KATNA1: variants seen among roughly 807,000 people sequenced by gnomAD.
The protein encoded by KATNA1 is katanin catalytic subunit A1.
Under a neutral mutation model 62.6 loss-of-function variants are expected in KATNA1, and 42 were observed. The observed-to-expected ratio is 0.67, with a 90% CI of 0.52 to 0.87. The LOEUF (loss-of-function observed/expected upper bound fraction) is 0.87. Among genes scored for constraint, KATNA1 ranks in the 40% least tolerant of loss-of-function variants. KATNA1 has a pLI of 0.00. For synonymous variants in KATNA1, 186 were observed against 201.9 expected (o/e 0.92, Z 0.67); for missense variants, 498 against 612.5 (o/e 0.81, Z 1.97).
At chr6:149,616,049 T>G (rs1205711109) in intron 4 of KATNA1, among the ~76,000 whole-genome samples, 1 of 152,160 alleles carries the variant, frequency 6.6e-6, no homozygotes, top group East Asian at 1.9e-4. Context: ...GAATGGTGGT[T>G]GCCAGGGGCT....
intron 5 of KATNA1, among the ~76,000 whole-genome samples, chr6:149,604,399 G>C (rs1672731094): frequency 6.6e-6 from 1 of 152,172 alleles, no homozygotes; most frequent in African/African-American, 2.4e-5. Context: ...CTAGGAGTTT[G>C]AGCCTGCAGT....
chr6:149,597,234 C>CAT, intron 9 of KATNA1, 45 bp from the exon 10 acceptor site: 1 of 1,592,574 alleles, frequency 6.3e-7, no homozygotes, highest in Non-Finnish European at 8.6e-7. Flanking sequence ...GCAGCATAAA[C>CAT]ATAGTATACT....
intron 1 of KATNA1, among the ~76,000 whole-genome samples, chr6:149,647,525 A>G (rs1370786638): frequency 2.7e-5 from 4 of 148,184 alleles, no homozygotes; most frequent in African/African-American, 1.0e-4. Context: ...CCGTCTCAAA[A>G]AAAAAAAAAA....
chr6:149,644,309 C>T (rs1319263016), intron 1 of KATNA1, among the ~76,000 whole-genome samples: 1 of 151,852 alleles, frequency 6.6e-6, no homozygotes, highest in Non-Finnish European at 1.5e-5. Flanking sequence ...GATCTTTCTT[C>T]CCATTTTCCC....
intron 4 of KATNA1, among the ~76,000 whole-genome samples, chr6:149,615,079 G>A (rs1477030870): frequency 7.2e-6 from 1 of 138,030 alleles, no homozygotes; most frequent in Non-Finnish European, 1.5e-5. Flanking sequence ...GTCGCAGTAA[G>A]CTGAGATTGT....
intron 6 of KATNA1, 28 bp from the exon 7 acceptor site, chr6:149,601,780 A>G: frequency 6.7e-7 from 1 of 1,491,106 alleles, no homozygotes; most frequent in Non-Finnish European, 9.0e-7. Flanking sequence ...GCCTCAGCAG[A>G]GGATTTATCT....
At chr6:149,632,699 A>G (rs9322202) in intron 3 of KATNA1, 60 bp downstream of exon 3, 1,241,872 of 1,435,188 alleles carry the variant, frequency 0.87, 538,396 homozygotes, top group African/African-American at 0.98. Flanking sequence ...CCTCCTCCTA[A>G]ATATAATCAA....
intron 7 of KATNA1, among the ~76,000 whole-genome samples, chr6:149,599,706 C>T (rs1340959677): frequency 1.3e-5 from 2 of 152,002 alleles, no homozygotes; most frequent in East Asian, 1.9e-4. Flanking sequence ...TTAGTAGAGA[C>T]GGGGTTTCAT....
chr6:149,611,462 C>CAAAAAAAAAAAAAAAAAAAAAAAAAA (rs1179618459), intron 4 of KATNA1, among the ~76,000 whole-genome samples: 1 of 34,776 alleles, frequency 2.9e-5, no homozygotes, highest in Non-Finnish European at 6.4e-5. Context: ...AACTCTGTCT[C>CAAAAAAAAAAAAAAAAAAAAAAAAAA]AAAAAAAAAA....
At chr6:149,640,529 T>A (rs1582811964) in intron 1 of KATNA1, among the ~76,000 whole-genome samples, 1 of 148,056 alleles carries the variant, frequency 6.8e-6, no homozygotes, top group Non-Finnish European at 1.5e-5. Flanking sequence ...ATGGTGGGGG[T>A]TTTTTTGGGT....
At chr6:149,646,043 A>C (rs529602718) in intron 1 of KATNA1, among the ~76,000 whole-genome samples, 16 of 152,262 alleles carry the variant, frequency 1.1e-4, no homozygotes, top group Non-Finnish European at 2.2e-4. Flanking sequence ...TACCCATTTA[A>C]TTTTTAAAGG....
Position 149,634,569 on chromosome 6 carries a change from G to A in KATNA1, c.163-1653C>T, listed in dbSNP as rs554856015. Among the ~76,000 whole-genome samples the A allele has an allele frequency of 3.9e-5, 6 of 152,236 alleles. No individual in the cohort carries two copies. In the South Asian group the frequency reaches 6.2e-4, roughly 16 times the overall value. On this transcript the variant is annotated intron_variant, in intron 2 of 10. Transcript: ENST00000367411. ...TGCCCAGGCTGTACTACAGTGGCACGATCATAGCTCACCATAACCTCAAAC... is the reference window on the plus strand; with the variant it reads ...TGCCCAGGCTGTACTACAGTGGCACAATCATAGCTCACCATAACCTCAAAC...
In KATNA1 at chr6:149,638,477, G is replaced by C. The variant is rs778977868; in HGVS notation, c.71C>G (p.Ser24Cys). 6.2e-7 allele frequency: 1 copy of C among 1,613,610 alleles called. No individual in the cohort carries two copies. Among genetic ancestry groups the C allele is most frequent in the Middle Eastern group, 1.7e-4 (1 of 6,060 alleles). ...AACTCCCTGATAATAGACCATCGCA[G>C]AGTCATAGTTTCCCAGCAATGCATA... ...REYALLGNYD[S>C]AMVYYQGVLD... Residue 24 changes from serine to cysteine, a missense_variant, in exon 2 of 11, where the codon TCT becomes TGT. Coordinates refer to ENST00000367411, the MANE Select transcript of KATNA1 (RefSeq NM_007044.4).
intron 4 of KATNA1, among the ~76,000 whole-genome samples, chr6:149,607,668 A>G (rs1028624273): frequency 6.6e-6 from 1 of 152,170 alleles, no homozygotes; most frequent in African/African-American, 2.4e-5. Flanking sequence ...TAGGAAGTGG[A>G]AAAAAACAGT....
At chr6:149,610,012 T>A (rs1254049493) in intron 4 of KATNA1, among the ~76,000 whole-genome samples, 3 of 145,518 alleles carry the variant, frequency 2.1e-5, no homozygotes, top group Non-Finnish European at 4.4e-5. Context: ...GGCAGGAGAA[T>A]CACTTGAATC....
chr6:149,602,440 TTAATGTA>T (rs1778581667), intron 6 of KATNA1, among the ~76,000 whole-genome samples: 1 of 152,168 alleles, frequency 6.6e-6, no homozygotes, highest in African/African-American at 2.4e-5. Context: ...TGCTTATCAC[TTAATGTA>T]TAAAGGATTT....
intron 3 of KATNA1, among the ~76,000 whole-genome samples, chr6:149,624,255 A>C (rs1779519935): frequency 6.6e-6 from 1 of 152,180 alleles, no homozygotes. Context: ...GGATCAGGGA[A>C]GCTCAATCTA....
At chr6:149,641,337 C>A (rs568144852) in intron 1 of KATNA1, among the ~76,000 whole-genome samples, 19 of 151,674 alleles carry the variant, frequency 1.3e-4, no homozygotes, top group Non-Finnish European at 2.6e-4. Flanking sequence ...CCACCACGCT[C>A]GGCTAATTTT....
chr6:149,612,995 A>G (rs944119495), intron 4 of KATNA1, among the ~76,000 whole-genome samples: 4 of 151,654 alleles, frequency 2.6e-5, no homozygotes, highest in Non-Finnish European at 5.9e-5. Flanking sequence ...CCTGGCTAAC[A>G]CGGTGAAACC....
Sources: gnomAD v4.1 joint callset for allele counts (sites outside exome capture counted in the v4.1 genomes callset) on GRCh38, gnomAD v4.1.1 for gene constraint, MANE v1.5 for transcripts, NCBI Gene and HGNC (gene_info 2026-07-23, HGNC 2026-07-21) for gene names.